Variants in NOMO2 observed in about 807,000 individuals in gnomAD.
The protein encoded by NOMO2 is NODAL modulator 2, also known as BOS complex subunit NOMO2.
A neutral mutation model predicts 67.1 loss-of-function variants in NOMO2; 14 were observed. That is an observed-to-expected ratio of 0.21 (90% confidence interval 0.14 to 0.33). NOMO2 has a LOEUF of 0.33. NOMO2 is among the 10% of genes least tolerant of loss of function. NOMO2 has a pLI of 1.00. For missense variants in NOMO2, 178 were observed against 761.0 expected, an observed-to-expected ratio of 0.23 and a Z score of 9.01; for synonymous variants, 80 against 305.9, an observed-to-expected ratio of 0.26 and a Z score of 7.71.
intron 11 of NOMO2, among the ~76,000 whole-genome samples, chr16:18,535,055 A>C (rs1268663456): frequency 2.8e-5 from 3 of 105,686 alleles, no homozygotes; most frequent in Non-Finnish European, 6.1e-5. Flanking sequence ...TTAAAGGAAG[A>C]CTAGGCACCA....
chr16:18,531,447 C>G lies in NOMO2; in HGVS notation c.1537+19G>C, dbSNP rs747236697. The G allele has an allele frequency of 7.4e-6, 12 of 1,613,160 alleles. No individual in the cohort carries two copies. The highest frequency in any genetic ancestry group is 3.3e-4 in the Middle Eastern group (2 of 6,046). On this transcript the variant is annotated intron_variant, in intron 13 of 30. Coordinates refer to ENST00000622306, the MANE Select transcript of NOMO2 (RefSeq NM_173614.4). The stretch of plus-strand genomic sequence containing the variant: ...ACTTCTTTGAAACTATGTGTTCTTA[C>G]TTTCCAGTGATATCTTACCCAAACA...
At chr16:18,546,278 CAAAAAAAAA>C (rs71388802) in intron 6 of NOMO2, among the ~76,000 whole-genome samples, 1 of 17,944 alleles carries the variant, frequency 5.6e-5, no homozygotes, top group Non-Finnish European at 1.1e-4. Flanking sequence ...GACCCTGTTG[CAAAAAAAAA>C]AAAAAAAAAA....
chr16:18,535,330 A>C (rs1306085508), intron 11 of NOMO2, among the ~76,000 whole-genome samples: 1 of 152,024 alleles, frequency 6.6e-6, no homozygotes, highest in Non-Finnish European at 1.5e-5. Flanking sequence ...AAAAAATAAA[A>C]AGGAAAAGAA....
At chr16:18,553,240 G>A (rs1449093038) in intron 3 of NOMO2, among the ~76,000 whole-genome samples, 7 of 151,012 alleles carry the variant, frequency 4.6e-5, no homozygotes, top group Non-Finnish European at 5.9e-5. Context: ...CTCCAGCCTG[G>A]GCAACAGAGC....
intron 1 of NOMO2, among the ~76,000 whole-genome samples, chr16:18,561,322 C>T (rs1382018444): frequency 6.6e-6 from 1 of 151,416 alleles, no homozygotes; most frequent in Non-Finnish European, 1.5e-5. Context: ...AATAGCTTTC[C>T]GGCCCTAGGG....
Position 18,529,530 on chromosome 16 carries a change from T to A in NOMO2, c.1777A>T (p.Arg593Ter), listed in dbSNP as rs1185191019. 14 of 1,610,636 alleles carry A rather than the reference T, an allele frequency of 8.7e-6. No homozygotes were observed. The highest frequency in any genetic ancestry group is 1.1e-5 in the Non-Finnish European group (13 of 1,179,484). The change falls in exon 15 of 31, where the codon AGA (arginine) becomes TGA (stop). Residue 593 changes from arginine (R) to a stop codon, truncating the protein, a stop_gained. Transcript: ENST00000622306. LOFTEE classifies it high-confidence loss of function. ...GTGATGGCGTGAGACAGGGAACATC[T>A]CAGCATGTAGCCCGTCTGCCTGAAC... ...VEFRQTGYML[R>*]CSLSHAITLE...
intron 1 of NOMO2, among the ~76,000 whole-genome samples, chr16:18,561,014 C>A (rs1347066279): frequency 2.0e-5 from 3 of 150,964 alleles, no homozygotes; most frequent in Non-Finnish European, 4.4e-5. Context: ...AATCCCCGCC[C>A]AAAAATGAGG....
At chr16:18,529,049 A>C in intron 15 of NOMO2, among the ~76,000 whole-genome samples, 1 of 92,076 alleles carries the variant, frequency 1.1e-5, no homozygotes, top group East Asian at 3.2e-4. Context: ...ATATCAGAGA[A>C]ACTCACTTGG....
intron 6 of NOMO2, among the ~76,000 whole-genome samples, chr16:18,545,493 C>T (rs1202271352): frequency 6.6e-6 from 1 of 151,494 alleles, no homozygotes; most frequent in Non-Finnish European, 1.5e-5. Context: ...GTGAAACTAT[C>T]ATCAATTATA....
Position 18,561,387 on chromosome 16 carries a change from T to A in NOMO2, c.165+489A>T, listed in dbSNP as rs533837609. On this transcript the variant is annotated intron_variant, in intron 1 of 30. Transcript: ENST00000622306. ...CTATGGGATGGGAATTGATGCTCTT[T>A]AAAATCATGCCGCGGGGTTTGGAGG... Among the ~76,000 whole-genome samples, 8 of 150,202 alleles carry A rather than the reference T, an allele frequency of 5.3e-5. No homozygotes were observed. In the East Asian group the frequency reaches 1.0e-3, roughly 19 times the overall value.
chr16:18,528,850 C>T (rs1283586098), intron 15 of NOMO2, among the ~76,000 whole-genome samples: 2 of 149,290 alleles, frequency 1.3e-5, no homozygotes, highest in East Asian at 3.9e-4. Flanking sequence ...CACCTCTAGT[C>T]CCAGCTACTC....
At chr16:18,556,659 A>T (rs1406153917) in intron 2 of NOMO2, among the ~76,000 whole-genome samples, 1 of 152,052 alleles carries the variant, frequency 6.6e-6, no homozygotes, top group Non-Finnish European at 1.5e-5. Flanking sequence ...ATGAATCTGT[A>T]TTTCCAAATA....
chr16:18,548,388 TAAC>T lies in NOMO2; in HGVS notation c.510-1091_510-1089del, dbSNP rs1305104966. On this transcript the variant is annotated intron_variant, in intron 5 of 30. Coordinates refer to ENST00000622306, the MANE Select transcript of NOMO2 (RefSeq NM_173614.4). ...AAATGAAAACTAGTTTCAACAATAA[TAAC>T]TTTAAAATTGAATAACTTACTGACA... is the stretch of plus-strand genomic sequence containing the variant. Among the ~76,000 whole-genome samples the T allele has an allele frequency of 5.3e-4, 81 of 151,724 alleles. No individual in the cohort carries two copies. In the Middle Eastern group the frequency reaches 0.01, roughly 19 times the overall value.
chr16:18,558,166 C>G (rs566040216), intron 1 of NOMO2, among the ~76,000 whole-genome samples: 80 of 140,942 alleles, frequency 5.7e-4, no homozygotes, highest in African/African-American at 2.1e-3. Flanking sequence ...GTGGCTCATG[C>G]CAGTACTCCC....
At chr16:18,548,593 C>A (rs529075565) in intron 5 of NOMO2, among the ~76,000 whole-genome samples, 1 of 152,126 alleles carries the variant, frequency 6.6e-6, no homozygotes, top group South Asian at 2.1e-4. Context: ...TTAAATCTGA[C>A]TCAGCAAGGT....
At chr16:18,560,466 G>A (rs1407121824) in intron 1 of NOMO2, among the ~76,000 whole-genome samples, 5 of 151,510 alleles carry the variant, frequency 3.3e-5, no homozygotes, top group Non-Finnish European at 4.4e-5. Flanking sequence ...GCCCTGTGCC[G>A]TCTACAGCCA....
rs974387584 is a variant in NOMO2, at chr16:18,561,838, C to T, written c.165+38G>A. ...GGCCCAGAGAGGCTGAACCACCGGC[C>T]CGGCGACTCGGCGCCGGGCGGCGGG... is the stretch of plus-strand genomic sequence containing the variant. On this transcript the variant is annotated intron_variant, in intron 1 of 30. Transcript: ENST00000622306. 1.8e-5 allele frequency: 28 copies of T among 1,539,912 alleles called. No homozygotes were observed. The African/African-American group carries it at 3.6e-4, about 20-fold the overall frequency.
intron 4 of NOMO2, among the ~76,000 whole-genome samples, chr16:18,550,921 G>GCTCCACC (rs1901770823): frequency 6.6e-6 from 1 of 151,796 alleles, no homozygotes; most frequent in Admixed American, 6.6e-5. Flanking sequence ...ACTATGGGAG[G>GCTCCACC]TGGAGGCAGG....
rs530522988 is a variant in NOMO2 at position 18,531,882 on chromosome 16, C to T, written c.1396-275G>A. ...TCCCCACAGGCCCGCAACGCGGACA[C>T]GCCTCACTTACATACTAGAAACCAT... On this transcript the variant is annotated intron_variant, in intron 12 of 30. Transcript: ENST00000622306. Among the ~76,000 whole-genome samples, 10 of 152,098 alleles carry T rather than the reference C, an allele frequency of 6.6e-5. 1 individual carries two copies. In the East Asian group the frequency reaches 1.2e-3, roughly 18 times the overall value.
Sources: gnomAD v4.1 joint callset for allele counts (sites outside exome capture counted in the v4.1 genomes callset) on GRCh38, gnomAD v4.1.1 for gene constraint, MANE v1.5 for transcripts, NCBI Gene and HGNC (gene_info 2026-07-23, HGNC 2026-07-21) for gene names.